Variants in GRAMD4 observed in about 807,000 individuals in gnomAD.
GRAMD4 encodes the protein GRAM domain containing 4, also known as GRAM domain-containing protein 4.
Under a neutral mutation model 83.9 loss-of-function variants are expected in GRAMD4, and 25 were observed. The ratio of observed to expected loss-of-function variants is 0.30; its 90% CI spans 0.22 to 0.42. The LOEUF is 0.42. Among genes scored for constraint, GRAMD4 ranks in the 10% least tolerant of loss-of-function variants. The probability of loss-of-function intolerance (pLI) is 1.00; values close to 1 mark genes in which losing one functional copy is unlikely to be tolerated. For missense variants in GRAMD4, 593 were observed against 788.7 expected (o/e 0.75, Z 2.97); for synonymous variants, 336 against 320.9 (o/e 1.05, Z -0.50).
chr22:46,643,589 A>G (rs1299091312), intron 3 of GRAMD4, among the ~76,000 whole-genome samples: 3 of 152,206 alleles, frequency 2.0e-5, no homozygotes, highest in Non-Finnish European at 2.9e-5. Context: ...TTTGTAGCAA[A>G]AGACAGTTCT....
At position 46,621,868 on chromosome 22, in the gene GRAMD4, C is replaced by T. The variant is rs1001460379; in HGVS notation, c.-50+1303C>T. 6.6e-6 allele frequency among the ~76,000 whole-genome samples: 1 copy of T among 152,166 alleles called. No homozygotes were observed. The highest frequency in any genetic ancestry group is 2.4e-5 in the African/African-American group (1 of 41,420). Reference sequence around the variant, plus strand: ...ACATGGAGTTTGATTCTTAACTGACCGAAGCTTGAAAAGTCTGTCTTTTTG... The same window carrying T: ...ACATGGAGTTTGATTCTTAACTGACTGAAGCTTGAAAAGTCTGTCTTTTTG... On this transcript the variant is annotated intron_variant, in intron 1 of 18. Coordinates refer to ENST00000406902, the MANE Select transcript of GRAMD4 (RefSeq NM_015124.5). This position sits in a 1 kb window ranked among gnomAD's most constrained non-coding sequence, Gnocchi z 5.8.
At chr22:46,663,895 G>A (rs770097713) in intron 7 of GRAMD4, 32 bp downstream of exon 7, 39 of 1,609,768 alleles carry the variant, frequency 2.4e-5, no homozygotes, top group Non-Finnish European at 3.0e-5. Flanking sequence ...TGGCGCCCAC[G>A]ATGCTCAGTG....
intron 8 of GRAMD4, among the ~76,000 whole-genome samples, chr22:46,665,400 A>G (rs1266664122): frequency 6.6e-6 from 1 of 152,038 alleles, no homozygotes; most frequent in Non-Finnish European, 1.5e-5. Flanking sequence ...GCTTCTCCCT[A>G]GGTGTCTCCT....
chr22:46,678,240 C>T lies in GRAMD4; in HGVS notation c.*989C>T, dbSNP rs141975005. 8.1e-6 allele frequency: 8 copies of T among 985,454 alleles called. No individual in the cohort carries two copies. Among genetic ancestry groups the T allele is most frequent in the East Asian group, 1.1e-4 (1 of 8,814 alleles). The allele number at this position is 985,454 out of a possible 1,614,324, so 61.0% of individuals were successfully genotyped here. A position where few individuals can be genotyped will look rare whatever the true frequency, so the allele number is the denominator to read the frequency against. On this transcript the variant is annotated 3_prime_UTR_variant, in exon 19 of 19. Coordinates refer to ENST00000406902, the MANE Select transcript of GRAMD4 (RefSeq NM_015124.5). ...GGACCATGGTGGCCCAGGCTGCAGC[C>T]GCCTTTGGGCCATCCGAGAGGCTCT...
At position 46,583,951 on chromosome 22, in the gene GRAMD4, CA is replaced by C. The variant is rs562089543; in HGVS notation, c.-50+6662del. Among the ~76,000 whole-genome samples, 6 of 152,344 alleles carry C rather than the reference CA, an allele frequency of 3.9e-5. No homozygotes were observed. The South Asian group carries it at 1.2e-3, about 32-fold the overall frequency. On this transcript the variant is annotated intron_variant, in intron 1 of 1. Coordinates refer to the GRAMD4 transcript ENST00000431155. ...GTGTCACTGATGTGGCCTTCTTCTT[CA>C]GGGGGGTCTGTCTCTTCTCCCCATT...
At chr22:46,609,883 G>A (rs188226032) in intron 1 of GRAMD4, among the ~76,000 whole-genome samples, 8 of 152,320 alleles carry the variant, frequency 5.3e-5, no homozygotes, top group South Asian at 2.1e-4. Context: ...CCTGAGGGGC[G>A]GCCCGGCTGC....
intron 1 of GRAMD4, among the ~76,000 whole-genome samples, chr22:46,605,768 TGCTGAGCATCTCTGCATGGGCCTATGGCC>T (rs1208260248): frequency 3.4e-5 from 5 of 147,582 alleles, no homozygotes; most frequent in Admixed American, 6.7e-5. Flanking sequence ...CTATGGCCGG[TGCTGAGCATCTCTGCATGGGCCTATGGCC>T]GGTGCTGAGC....
upstream of GRAMD4, among the ~76,000 whole-genome samples, chr22:46,619,272 C>T (rs575138493): frequency 1.3e-5 from 2 of 152,274 alleles, no homozygotes; most frequent in East Asian, 1.9e-4. Flanking sequence ...GGTCCTTGGG[C>T]CTCTTTGCAT....
Position 46,673,792 on chromosome 22 carries a change from A to C in GRAMD4, c.1362A>C (p.Thr454=). The C allele has an allele frequency of 6.2e-7, 1 of 1,613,106 alleles. No homozygotes were observed. The highest frequency in any genetic ancestry group is 2.2e-5 in the East Asian group (1 of 44,878). The change falls in exon 15 of 19, where the codon ACA becomes ACC. Residue 454 remains threonine, a synonymous_variant. Transcript: ENST00000406902. ...ATTTCCACGAGATCTTCAATCTGAC[A>C]GAAAACGAGCGTCCGCTGGCGGGTA... The part of the protein sequence containing the change: ...KGNFHEIFNL[T]ENERPLAVCE...
At position 46,676,478 on chromosome 22, in the gene GRAMD4, C is replaced by T. The variant is rs576604217; in HGVS notation, c.1564-122C>T. On this transcript the variant is annotated intron_variant, in intron 17 of 18. Transcript: ENST00000406902. ...CTTACCTTCTGTTGTTTGGAAGTCCCAGGTGCCCGTGGGCCCTGCTGCCTG... is the reference window on the plus strand; with the variant it reads ...CTTACCTTCTGTTGTTTGGAAGTCCTAGGTGCCCGTGGGCCCTGCTGCCTG... 5.3e-5 allele frequency: 41 copies of T among 769,550 alleles called. No individual in the cohort carries two copies. The South Asian group carries it at 6.5e-4, about 12-fold the overall frequency. The allele number at this position is 769,550 out of a possible 1,614,324, so 47.7% of individuals were successfully genotyped here. A position where few individuals can be genotyped will look rare whatever the true frequency, so the allele number is the denominator to read the frequency against.
intron 3 of GRAMD4, among the ~76,000 whole-genome samples, chr22:46,643,185 A>G (rs1350443036): frequency 4.8e-5 from 6 of 125,770 alleles, no homozygotes; most frequent in South Asian, 2.7e-4. Flanking sequence ...CCATCCATCC[A>G]TCCATCCATC....
In GRAMD4 at chr22:46,658,155, C is replaced by T. The variant is rs369973039; in HGVS notation, c.284-32C>T. The T allele has an allele frequency of 8.3e-4, 1,340 of 1,612,824 alleles. 2 individuals carry two copies. Among genetic ancestry groups the T allele is most frequent in the Non-Finnish European group, 1.0e-3 (1,174 of 1,179,496 alleles). The stretch of plus-strand genomic sequence containing the variant: ...AGAGTCGGGGTCGCGTGGACATGAG[C>T]GATGGTCACCTGGCCGTTCTCTCCC... On this transcript the variant is annotated intron_variant, in intron 3 of 18. Transcript: ENST00000406902.
chr22:46,663,922 C>T lies in GRAMD4; in HGVS notation c.625+59C>T, dbSNP rs373502158. The T allele has an allele frequency of 7.4e-5, 118 of 1,590,064 alleles. No homozygotes were observed. In the East Asian group the frequency reaches 1.3e-3, roughly 18 times the overall value. On this transcript the variant is annotated intron_variant, in intron 7 of 18. Transcript: ENST00000406902. ...TGCTCAGTGTGGGTGGGGCCCATGG[C>T]GGTGGGGACTCTGGGATTCTGAGCT... is the stretch of plus-strand genomic sequence containing the variant.
At position 46,632,009 on chromosome 22, in the gene GRAMD4, C is replaced by T. The variant is rs551980796; in HGVS notation, c.162+5048C>T. Among the ~76,000 whole-genome samples, 65 of 152,298 alleles carry T rather than the reference C, an allele frequency of 4.3e-4. 2 individuals are homozygous for T. Among genetic ancestry groups the T allele is most frequent in the African/African-American group, 1.4e-3 (60 of 41,548 alleles). On this transcript the variant is annotated intron_variant, in intron 2 of 18. Coordinates refer to ENST00000406902, the MANE Select transcript of GRAMD4 (RefSeq NM_015124.5). The stretch of plus-strand genomic sequence containing the variant: ...GGGACCGGGGATGGGTAGACCCTTA[C>T]GGCGTGTGTCTTTTCATCTCTGGCC...
At chr22:46,636,935 G>A (rs1245944388) in intron 2 of GRAMD4, among the ~76,000 whole-genome samples, 3 of 152,196 alleles carry the variant, frequency 2.0e-5, no homozygotes, top group East Asian at 1.9e-4. Flanking sequence ...ACAGGATGAC[G>A]AGGCCCCTGT....
intron 1 of GRAMD4, among the ~76,000 whole-genome samples, chr22:46,581,442 G>A (rs1432470853): frequency 3.9e-5 from 6 of 152,228 alleles, no homozygotes; most frequent in Admixed American, 6.5e-5. Context: ...GGATTTGCAC[G>A]TGGGTGGCTT....
In GRAMD4 at chr22:46,665,541, G is replaced by T. The variant is rs540847229; in HGVS notation, c.718-74G>T. On this transcript the variant is annotated intron_variant, in intron 8 of 18. Coordinates refer to ENST00000406902, the MANE Select transcript of GRAMD4 (RefSeq NM_015124.5). ...TCTCCCCACTGGGGCCGCCTGGTGG[G>T]GGGAGGCGGGAGGGATGTGCCTTGT... The T allele has an allele frequency of 3.9e-4, 313 of 797,796 alleles. 1 individual carries two copies. Among genetic ancestry groups the T allele is most frequent in the Admixed American group, 1.9e-3 (94 of 49,772 alleles). 49.4% of individuals were successfully genotyped at this position (797,796 alleles called of 1,614,324 possible). A position where few individuals can be genotyped will look rare whatever the true frequency, so the allele number is the denominator to read the frequency against.
chr22:46,585,994 G>A (rs1448000578), intron 1 of GRAMD4, among the ~76,000 whole-genome samples: 1 of 151,924 alleles, frequency 6.6e-6, no homozygotes, highest in African/African-American at 2.4e-5. Flanking sequence ...GTCTGCCCCC[G>A]AAGGCCCTTG....
At chr22:46,652,695 C>T (rs1239401090) in intron 3 of GRAMD4, among the ~76,000 whole-genome samples, 1 of 152,192 alleles carries the variant, frequency 6.6e-6, no homozygotes, top group African/African-American at 2.4e-5. Context: ...GCCGAGGGAA[C>T]CCAGAGCCTC....
Sources: allele counts gnomAD v4.1 joint callset (sites outside exome capture counted in the v4.1 genomes callset), GRCh38; gene constraint gnomAD v4.1.1; non-coding constraint Gnocchi (gnomAD v3.1); transcripts MANE v1.5; gene names NCBI Gene and HGNC (gene_info 2026-07-23, HGNC 2026-07-21).